ANKRD44: variants seen among roughly 807,000 people sequenced by gnomAD.
The protein encoded by ANKRD44 is ankyrin repeat domain 44.
A neutral mutation model predicts 116.0 loss-of-function variants in ANKRD44; 35 were observed. The ratio of observed to expected loss-of-function variants is 0.30; its 90% CI spans 0.23 to 0.40. The LOEUF is 0.40. Among genes scored for constraint, ANKRD44 ranks in the 10% least tolerant of loss-of-function variants. The pLI, the probability that ANKRD44 is intolerant of heterozygous loss-of-function variation, is 1.00. For missense variants in ANKRD44, 1,014 were observed against 1,242.6 expected (o/e 0.82, Z 2.77); for synonymous variants, 435 against 461.8 (o/e 0.94, Z 0.74).
intron 2 of ANKRD44, among the ~76,000 whole-genome samples, chr2:197,170,267 T>C (rs1345392883): frequency 6.6e-6 from 1 of 150,710 alleles, no homozygotes; most frequent in Non-Finnish European, 1.5e-5. Context: ...TTCAAGAAAG[T>C]TAAACAGATT....
intron 1 of ANKRD44, among the ~76,000 whole-genome samples, chr2:197,288,019 C>CACA (rs34487162): frequency 1.2e-5 from 1 of 81,802 alleles, no homozygotes; most frequent in African/African-American, 4.9e-5. Context: ...GACTCAGTCT[C>CACA]AAAAAAAAAA....
chr2:197,294,295 G>A (rs2105887329), intron 1 of ANKRD44, among the ~76,000 whole-genome samples: 1 of 152,252 alleles, frequency 6.6e-6, no homozygotes, highest in East Asian at 1.9e-4. Context: ...AAGGAGGTCA[G>A]TCAACACGTG....
intron 1 of ANKRD44, among the ~76,000 whole-genome samples, chr2:197,246,350 C>T (rs1178501148): frequency 7.9e-4 from 52 of 65,868 alleles, no homozygotes; most frequent in South Asian, 1.5e-3. Context: ...CTACATCTGG[C>T]TTTTTTTTTT....
At chr2:197,255,835 CAGGA>C (rs1184477186) in intron 1 of ANKRD44, among the ~76,000 whole-genome samples, 5 of 152,226 alleles carry the variant, frequency 3.3e-5, no homozygotes, top group Non-Finnish European at 7.3e-5. Flanking sequence ...AAAGCCAGAG[CAGGA>C]AGGACCCTGC....
chr2:197,066,753 A>G (rs1475300487), intron 16 of ANKRD44, among the ~76,000 whole-genome samples: 1 of 152,218 alleles, frequency 6.6e-6, no homozygotes, highest in East Asian at 1.9e-4. Context: ...TTCAAGCAGA[A>G]CTACAAACCA....
intron 1 of ANKRD44, among the ~76,000 whole-genome samples, chr2:197,303,947 C>T (rs1200025035): frequency 6.6e-6 from 1 of 152,160 alleles, no homozygotes; most frequent in Non-Finnish European, 1.5e-5. Context: ...CATTCCCGAC[C>T]TCTGAAAGCA....
chr2:197,271,022 G>A (rs574187332), intron 1 of ANKRD44, among the ~76,000 whole-genome samples: 2 of 152,344 alleles, frequency 1.3e-5, no homozygotes, highest in East Asian at 1.9e-4. Context: ...CCAGGGACCT[G>A]TGCTGGGAAG....
At chr2:197,237,344 T>G (rs966333982) in intron 1 of ANKRD44, among the ~76,000 whole-genome samples, 4 of 152,264 alleles carry the variant, frequency 2.6e-5, no homozygotes, top group African/African-American at 9.6e-5. Context: ...AATATTTTCC[T>G]GCCTCTGCTG....
chr2:197,078,556 T>G (rs2077723475), intron 16 of ANKRD44, 147 bp downstream of exon 16: 2 of 1,507,588 alleles, frequency 1.3e-6, no homozygotes, highest in East Asian at 2.6e-5. Flanking sequence ...AAACACTTTT[T>G]GAAATCAGAA....
chr2:197,186,485 G>A (rs2080663603), intron 2 of ANKRD44, among the ~76,000 whole-genome samples: 1 of 151,464 alleles, frequency 6.6e-6, no homozygotes, highest in South Asian at 2.1e-4. Context: ...TTTTTTTTGA[G>A]GTAGGGTCTT....
chr2:197,004,383 TC>T (rs1427068852), intron 21 of ANKRD44, among the ~76,000 whole-genome samples: 2 of 152,146 alleles, frequency 1.3e-5, no homozygotes, highest in Non-Finnish European at 2.9e-5. Flanking sequence ...GACATTCATA[TC>T]ATTAAACATT....
At chr2:197,039,667 TTGTG>T (rs139563391) in intron 16 of ANKRD44, among the ~76,000 whole-genome samples, 3 of 128,322 alleles carry the variant, frequency 2.3e-5, no homozygotes, top group Non-Finnish European at 4.9e-5. Context: ...GTGGTGGTGA[TTGTG>T]TGTGTGTGCG....
intron 25 of ANKRD44, among the ~76,000 whole-genome samples, chr2:196,995,701 G>T (rs1241960987): frequency 6.6e-6 from 1 of 152,028 alleles, no homozygotes; most frequent in African/African-American, 2.4e-5. Context: ...TATTAATACT[G>T]CTAAGATAAA....
intron 8 of ANKRD44, among the ~76,000 whole-genome samples, chr2:197,114,606 T>C (rs1031695129): frequency 6.6e-6 from 1 of 152,196 alleles, no homozygotes; most frequent in Non-Finnish European, 1.5e-5. Flanking sequence ...CATCTTCCAA[T>C]ATCCCATATA....
At chr2:197,217,459 T>C (rs2081475668) in intron 1 of ANKRD44, among the ~76,000 whole-genome samples, 1 of 152,170 alleles carries the variant, frequency 6.6e-6, no homozygotes, top group African/African-American at 2.4e-5. Context: ...AAAATTCAAG[T>C]GATTGAACTA....
At chr2:197,241,471 T>C (rs1349818422) in intron 1 of ANKRD44, among the ~76,000 whole-genome samples, 1 of 152,180 alleles carries the variant, frequency 6.6e-6, no homozygotes, top group Non-Finnish European at 1.5e-5. Flanking sequence ...AGAATACTCA[T>C]GGAAAAATGC....
intron 1 of ANKRD44, among the ~76,000 whole-genome samples, chr2:197,215,062 G>T (rs2081415089): frequency 6.6e-6 from 1 of 152,092 alleles, no homozygotes; most frequent in South Asian, 2.1e-4. Flanking sequence ...TTTTAGTAGA[G>T]ACAGGGTTTT....
chr2:197,205,169 G>C (rs993803525), intron 1 of ANKRD44, among the ~76,000 whole-genome samples: 8 of 152,238 alleles, frequency 5.3e-5, no homozygotes, highest in African/African-American at 1.9e-4. Flanking sequence ...TAAGGTCCAG[G>C]AGTGTGTATT....
chr2:197,288,947 T>A (rs537882339), intron 1 of ANKRD44, among the ~76,000 whole-genome samples: 1 of 152,294 alleles, frequency 6.6e-6, no homozygotes, highest in South Asian at 2.1e-4. Context: ...TAATGGGTAC[T>A]AACATACAGT....
Sources: gnomAD v4.1 joint callset for allele counts (sites outside exome capture counted in the v4.1 genomes callset) on GRCh38, gnomAD v4.1.1 for gene constraint, MANE v1.5 for transcripts, NCBI Gene and HGNC (gene_info 2026-07-23, HGNC 2026-07-21) for gene names.